The following OSGIN2 variants were observed in gnomAD, a reference collection of about 807,000 sequenced individuals.
OSGIN2 encodes oxidative stress induced growth inhibitor family member 2.
Under a neutral mutation model 53.8 loss-of-function variants are expected in OSGIN2, and 19 were observed. That is an observed-to-expected ratio of 0.35 (90% CI 0.25 to 0.52). The LOEUF (loss-of-function observed/expected upper bound fraction) is 0.52. Among genes scored for constraint, OSGIN2 ranks in the 20% least tolerant of loss-of-function variants. OSGIN2 has a pLI of 0.95. For missense variants in OSGIN2, 520 were observed against 662.7 expected (o/e 0.78, Z 2.36); for synonymous variants, 236 against 236.0 (o/e 1.00, Z 0.00).
chr8:89,924,569 C>A lies in OSGIN2; in HGVS notation c.687C>A (p.Val229=), dbSNP rs1327909425. The part of the protein sequence containing the change: ...IARYYKHYVK[V]MGLQKNFREN... ...GCTACTATAAACATTATGTAAAAGT[C>A]ATGGGTCTTCAGAAGAATTTCAGAG... Residue 229 remains valine (V), a synonymous_variant, in exon 6 of 6, where the codon GTC becomes GTA. Transcript: ENST00000451899. 6.2e-7 allele frequency: 1 copy of A among 1,613,658 alleles called. No homozygotes were observed. Among genetic ancestry groups the A allele is most frequent in the Non-Finnish European group, 8.5e-7 (1 of 1,179,778 alleles).
intron 4 of OSGIN2, among the ~76,000 whole-genome samples, chr8:89,916,762 T>A (rs2246157): frequency 0.49 from 75,049 of 151,972 alleles, 20,157 homozygotes; most frequent in African/African-American, 0.71. Context: ...TTAACCATTC[T>A]GTCAGATGCT....
At chr8:89,911,627 TAA>T (rs76846705) in intron 2 of OSGIN2, among the ~76,000 whole-genome samples, 22 of 93,872 alleles carry the variant, frequency 2.3e-4, no homozygotes, top group Admixed American at 2.4e-4. Flanking sequence ...AAACTCTGTC[TAA>T]AAAAAAAAAA....
chr8:89,917,807 G>T (rs1380311873), intron 4 of OSGIN2, among the ~76,000 whole-genome samples: 1 of 152,058 alleles, frequency 6.6e-6, no homozygotes, highest in Non-Finnish European at 1.5e-5. Context: ...TAATGGAAGA[G>T]ATATTACTAC....
Position 89,905,596 on chromosome 8 carries a change from C to T in OSGIN2, c.44+2759C>T, listed in dbSNP as rs1808823807. ...ATGTAAAACCAGTGAATCACACTTT[C>T]CGTTTTTGTTTCCTTGTTTTTCTTT... On this transcript the variant is annotated intron_variant, in intron 1 of 5. Coordinates refer to ENST00000451899, the MANE Select transcript of OSGIN2 (RefSeq NM_001126111.3). 1.3e-5 allele frequency among the ~76,000 whole-genome samples: 2 copies of T among 152,194 alleles called. 1 individual carries two copies. The highest frequency in any genetic ancestry group is 4.1e-4 in the South Asian group (2 of 4,838).
chr8:89,924,503 G>A lies in OSGIN2; in HGVS notation c.621G>A (p.Arg207=). 6.4e-7 allele frequency: 1 copy of A among 1,571,924 alleles called. No individual in the cohort carries two copies. Among genetic ancestry groups the A allele is most frequent in the Non-Finnish European group, 8.6e-7 (1 of 1,163,342 alleles). Residue 207 remains arginine, a splice_region_variant and synonymous_variant, in exon 6 of 6, where the codon AGG becomes AGA. Transcript: ENST00000451899. The part of the protein sequence containing the change: ...KFKDWVSSKR[R]SLKGDRVMPE... ...GATATTTTTCCTTTTCCTTTTTTAG[G>A]AGCCTAAAAGGGGATCGAGTTATGC...
At chr8:89,909,032 AAAAAAATATATATATATACAT>A (rs1649441475) in intron 1 of OSGIN2, among the ~76,000 whole-genome samples, 2 of 115,942 alleles carry the variant, frequency 1.7e-5, no homozygotes, top group Admixed American at 8.3e-5. Context: ...AAAAAAAAAA[AAAAAAATATATATATATACAT>A]ATATATATAT....
rs1312248505 is a variant in OSGIN2 at position 89,926,321 on chromosome 8, G to A, written c.*789G>A. The A allele has an allele frequency of 6.6e-6, 1 of 152,500 alleles. No homozygotes were observed. Among genetic ancestry groups the A allele is most frequent in the Non-Finnish European group, 1.5e-5 (1 of 68,016 alleles). 9.4% of individuals were successfully genotyped at this position (152,500 alleles called of 1,614,324 possible). A position where few individuals can be genotyped will look rare whatever the true frequency, so the allele number is the denominator to read the frequency against. ...CAAGAACTCACCAAGATGTTTTTCA[G>A]AGATTTATTCTCGATTTAACTATCA... On this transcript the variant is annotated 3_prime_UTR_variant, in exon 6 of 6. Transcript: ENST00000451899.
chr8:89,903,363 G>C (rs1165236579), intron 1 of OSGIN2, among the ~76,000 whole-genome samples: 2 of 152,124 alleles, frequency 1.3e-5, no homozygotes, highest in African/African-American at 4.8e-5. Flanking sequence ...TATGGGGAAA[G>C]GTTTTAGGGG....
intron 4 of OSGIN2, among the ~76,000 whole-genome samples, chr8:89,916,479 A>C (rs1398962483): frequency 6.6e-6 from 1 of 152,206 alleles, no homozygotes; most frequent in Non-Finnish European, 1.5e-5. Context: ...TCCTACCTGC[A>C]TTCCATATCT....
At chr8:89,921,055 C>T in intron 4 of OSGIN2, 25 bp from the exon 5 acceptor site, 1 of 1,314,050 alleles carries the variant, frequency 7.6e-7, no homozygotes, top group Non-Finnish European at 1.1e-6. Flanking sequence ...TTTGACGGTA[C>T]ATTTTTTTTT....
chr8:89,924,624 C>T lies in OSGIN2; in HGVS notation c.742C>T (p.Leu248Phe). Residue 248 changes from leucine (L) to phenylalanine (F), a missense_variant, in exon 6 of 6, where the codon CTC becomes TTC. This residue lies in a region of OSGIN2 where 78 missense variants were observed against 59.1 expected (regional missense o/e 1.32). Coordinates refer to ENST00000451899, the MANE Select transcript of OSGIN2 (RefSeq NM_001126111.3). Reference sequence around the variant, plus strand: ...TACTTACATAACTTCCGTATCAAGACTCTACAGAGATCAAGATGATGATGA... The same window carrying T: ...TACTTACATAACTTCCGTATCAAGATTCTACAGAGATCAAGATGATGATGA... ...ENTYITSVSR[L>F]YRDQDDDDIQ... The T allele has an allele frequency of 6.2e-7, 1 of 1,613,840 alleles. No individual in the cohort carries two copies. Among genetic ancestry groups the T allele is most frequent in the Non-Finnish European group, 8.5e-7 (1 of 1,179,764 alleles).
intron 4 of OSGIN2, among the ~76,000 whole-genome samples, chr8:89,916,064 TAA>T (rs1036119022): frequency 5.9e-5 from 9 of 152,188 alleles, no homozygotes; most frequent in African/African-American, 1.7e-4. Context: ...GCCCAAAACT[TAA>T]GTGTTTATAT....
chr8:89,906,373 C>T (rs1438600269), intron 1 of OSGIN2, among the ~76,000 whole-genome samples: 3 of 152,162 alleles, frequency 2.0e-5, no homozygotes, highest in Admixed American at 6.5e-5. Context: ...CATCCTGGGC[C>T]GCATGTGGGT....
At chr8:89,909,067 ATGTATATGTAG>A (rs1808912593) in intron 1 of OSGIN2, among the ~76,000 whole-genome samples, 1 of 142,022 alleles carries the variant, frequency 7.0e-6, no homozygotes, top group African/African-American at 2.6e-5. Context: ...TATATATATA[ATGTATATGTAG>A]TATATTTTTT....
chr8:89,907,149 C>G (rs1156788222), intron 1 of OSGIN2, among the ~76,000 whole-genome samples: 2 of 152,118 alleles, frequency 1.3e-5, no homozygotes, highest in African/African-American at 4.8e-5. Flanking sequence ...CTCATAGATG[C>G]TGGATATTAG....
chr8:89,912,495 C>T (rs1808987027), intron 2 of OSGIN2, among the ~76,000 whole-genome samples: 1 of 152,160 alleles, frequency 6.6e-6, no homozygotes, highest in Non-Finnish European at 1.5e-5. Flanking sequence ...ATGGCTCATA[C>T]TTGTAATCCC....
intron 2 of OSGIN2, among the ~76,000 whole-genome samples, chr8:89,913,823 G>A (rs185896542): frequency 1.4e-4 from 22 of 152,110 alleles, no homozygotes; most frequent in Non-Finnish European, 2.5e-4. Flanking sequence ...ATATATCCTT[G>A]GGAAATAGGT....
chr8:89,908,477 C>A (rs932676825), intron 1 of OSGIN2, among the ~76,000 whole-genome samples: 12 of 152,122 alleles, frequency 7.9e-5, no homozygotes, highest in Non-Finnish European at 1.3e-4. Flanking sequence ...GTTTATCAAC[C>A]TCCTCTGGGA....
chr8:89,905,864 C>A (rs1160563407), intron 1 of OSGIN2, among the ~76,000 whole-genome samples: 1 of 152,068 alleles, frequency 6.6e-6, no homozygotes, highest in Non-Finnish European at 1.5e-5. Context: ...AATCAACATA[C>A]AAAAGTGAAT....
Sources: allele counts gnomAD v4.1 joint callset (sites outside exome capture counted in the v4.1 genomes callset), GRCh38; gene constraint gnomAD v4.1.1; regional missense constraint gnomAD v4.1.1; transcripts MANE v1.5; gene names NCBI Gene and HGNC (gene_info 2026-07-23, HGNC 2026-07-21).